Variants in XRCC5 observed in about 807,000 individuals in gnomAD.
The protein encoded by XRCC5 is DNA repair protein Ku80.
A neutral mutation model predicts 95.7 loss-of-function variants in XRCC5; 12 were observed. That is an observed-to-expected ratio of 0.13 (90% confidence interval 0.08 to 0.20). The LOEUF (loss-of-function observed/expected upper bound fraction) is 0.20. XRCC5 is among the 10% of genes least tolerant of loss of function. XRCC5 has a pLI of 1.00. For missense variants in XRCC5, 595 were observed against 873.9 expected, an observed-to-expected ratio of 0.68 and a Z score of 4.02; for synonymous variants, 281 against 290.3, an observed-to-expected ratio of 0.97 and a Z score of 0.33.
intron 16 of XRCC5, among the ~76,000 whole-genome samples, chr2:216,185,581 T>C (rs1689479479): frequency 6.6e-6 from 1 of 152,220 alleles, no homozygotes; most frequent in Admixed American, 6.5e-5. Flanking sequence ...CTTATACTTA[T>C]TTTGATTTAA....
intron 19 of XRCC5, among the ~76,000 whole-genome samples, chr2:216,198,616 C>A (rs1181243052): frequency 6.6e-6 from 1 of 151,872 alleles, no homozygotes; most frequent in Non-Finnish European, 1.5e-5. Context: ...AGTGTAGTGG[C>A]ACGGTCTCAG....
At chr2:216,149,507 A>G (rs1190084736) in intron 14 of XRCC5, among the ~76,000 whole-genome samples, 1 of 151,972 alleles carries the variant, frequency 6.6e-6, no homozygotes, top group African/African-American at 2.4e-5. Context: ...ATCCTTATCT[A>G]CCTTCTGGAT....
In XRCC5 at chr2:216,138,185, T is replaced by C; in HGVS notation, c.1342+6T>C. On this transcript the variant is annotated splice_donor_region_variant and intron_variant, in intron 12 of 20. Transcript: ENST00000392132. Reference sequence around the variant, plus strand: ...TAAGAAATATGCTCCCACCGGTGAGTTTGTTTTCATTTAGATCACTCATTG... The same window carrying C: ...TAAGAAATATGCTCCCACCGGTGAGCTTGTTTTCATTTAGATCACTCATTG... 1 of 1,610,246 alleles carries C rather than the reference T, an allele frequency of 6.2e-7. No homozygotes were observed. The highest frequency in any genetic ancestry group is 8.5e-7 in the Non-Finnish European group (1 of 1,178,242).
At chr2:216,149,294 A>G (rs543581508) in intron 14 of XRCC5, among the ~76,000 whole-genome samples, 1 of 152,192 alleles carries the variant, frequency 6.6e-6, no homozygotes, top group Admixed American at 6.5e-5. Context: ...CTTTGTCAGA[A>G]TTGAAAAAAA....
intron 14 of XRCC5, among the ~76,000 whole-genome samples, chr2:216,158,070 G>A (rs920686967): frequency 6.6e-6 from 1 of 152,196 alleles, no homozygotes; most frequent in African/African-American, 2.4e-5. Context: ...GGAAAATTGT[G>A]TATGTGTCTG....
chr2:216,205,136 G>A, intron 20 of XRCC5, 52 bp from the exon 21 acceptor site: 2 of 1,610,232 alleles, frequency 1.2e-6, no homozygotes, highest in South Asian at 1.1e-5. Context: ...CAGAGAAGCA[G>A]TGGTATGAAA....
chr2:216,134,682 C>T (rs78960237), intron 10 of XRCC5, among the ~76,000 whole-genome samples: 5 of 144,834 alleles, frequency 3.5e-5, no homozygotes, highest in Non-Finnish European at 6.0e-5. Flanking sequence ...ACCCCCCCCC[C>T]TCCTCGGCCT....
chr2:216,182,078 A>G (rs1445020895), intron 16 of XRCC5, among the ~76,000 whole-genome samples: 1 of 152,072 alleles, frequency 6.6e-6, no homozygotes, highest in Admixed American at 6.5e-5. Flanking sequence ...AAAAGACTCA[A>G]ATTCTTGAGG....
At chr2:216,170,969 A>G (rs1171676234) in intron 16 of XRCC5, among the ~76,000 whole-genome samples, 1 of 152,122 alleles carries the variant, frequency 6.6e-6, no homozygotes, top group African/African-American at 2.4e-5. Context: ...TGTCTTCAAG[A>G]TTGCTCCTTA....
intron 1 of XRCC5, among the ~76,000 whole-genome samples, chr2:216,111,785 C>G (rs748522156): frequency 3.3e-5 from 5 of 152,102 alleles, no homozygotes; most frequent in Non-Finnish European, 7.4e-5. Context: ...CCAGAAAGGA[C>G]CTTAAACCTC....
At chr2:216,200,777 C>CT (rs1051848382) in intron 19 of XRCC5, among the ~76,000 whole-genome samples, 50 of 152,116 alleles carry the variant, frequency 3.3e-4, no homozygotes, top group African/African-American at 1.2e-3. Flanking sequence ...GGAATCATGC[C>CT]TTTTTTTCAT....
At chr2:216,145,672 T>G (rs780226194) in intron 13 of XRCC5, among the ~76,000 whole-genome samples, 32 of 152,176 alleles carry the variant, frequency 2.1e-4, no homozygotes, top group South Asian at 4.1e-4. Flanking sequence ...TCAGAAAATA[T>G]GAGAGGGAGG....
chr2:216,110,079 G>A (rs1031677976), intron 1 of XRCC5, among the ~76,000 whole-genome samples: 2 of 152,056 alleles, frequency 1.3e-5, no homozygotes, highest in Non-Finnish European at 2.9e-5. Flanking sequence ...TCCCCATTTT[G>A]CAAGTGGGAA....
intron 16 of XRCC5, among the ~76,000 whole-genome samples, chr2:216,166,709 A>G (rs545838981): frequency 4.4e-4 from 67 of 152,250 alleles, no homozygotes; most frequent in South Asian, 1.5e-3. Flanking sequence ...AAAATAAAAT[A>G]ATAAAATGTC....
At chr2:216,113,882 T>G (rs1395067818) in intron 2 of XRCC5, among the ~76,000 whole-genome samples, 5 of 152,222 alleles carry the variant, frequency 3.3e-5, no homozygotes, top group Non-Finnish European at 7.3e-5. Flanking sequence ...TTAAGACCTA[T>G]TTTTAGAAGC....
intron 16 of XRCC5, among the ~76,000 whole-genome samples, chr2:216,179,756 A>T (rs1270332582): frequency 2.0e-5 from 3 of 152,178 alleles, no homozygotes; most frequent in African/African-American, 7.2e-5. Flanking sequence ...TACATATCAC[A>T]TAAGGCCTCC....
intron 1 of XRCC5, among the ~76,000 whole-genome samples, 161 bp downstream of exon 1, chr2:216,109,618 A>G (rs746832603): frequency 2.6e-5 from 4 of 152,164 alleles, no homozygotes; most frequent in Non-Finnish European, 5.9e-5. Context: ...GGGATGCGCT[A>G]TGAGAAAAGC....
rs761832663 is a variant in XRCC5 at position 216,205,190 on chromosome 2, G to C, written c.2187G>C (p.Leu729Phe). 1 of 1,613,932 alleles carries C rather than the reference G, an allele frequency of 6.2e-7. No homozygotes were observed. The highest frequency in any genetic ancestry group is 1.1e-5 in the South Asian group (1 of 91,062). The change falls in exon 21 of 21, where the codon TTG becomes TTC. Residue 729 changes from leucine to phenylalanine, a missense_variant and splice_region_variant. This residue lies in a region of XRCC5 where 309 missense variants were observed against 382.9 expected (regional missense o/e 0.81). Coordinates refer to ENST00000392132, the MANE Select transcript of XRCC5 (RefSeq NM_021141.4). The stretch of plus-strand genomic sequence containing the variant: ...AAGTGTGTTGTTCTTGTTCACAGTT[G>C]GACATGATATAGGTCGTGGATGTAT... ...FEEGGDVDDL[L>F]DMI
At chr2:216,168,527 A>G (rs1269034335) in intron 16 of XRCC5, among the ~76,000 whole-genome samples, 1 of 152,238 alleles carries the variant, frequency 6.6e-6, no homozygotes, top group Non-Finnish European at 1.5e-5. Flanking sequence ...GCTTTCATCT[A>G]TTCTTACCCA....
Sources: gnomAD v4.1 joint callset for allele counts (sites outside exome capture counted in the v4.1 genomes callset) on GRCh38, gnomAD v4.1.1 for gene constraint, gnomAD v4.1.1 regional missense constraint, MANE v1.5 for transcripts, NCBI Gene and HGNC (gene_info 2026-07-23, HGNC 2026-07-21) for gene names.